Variants in ZNF341 observed in about 807,000 individuals in gnomAD.
The protein encoded by ZNF341 is zinc finger protein 341.
In ZNF341, 52 loss-of-function variants were observed where a neutral mutation model predicts 87.7. The observed-to-expected ratio is 0.59, with a 90% CI of 0.47 to 0.75. The LOEUF (loss-of-function observed/expected upper bound fraction) is 0.75. Ranked by LOEUF, ZNF341 falls within the 30% of genes least tolerant of loss-of-function variation. The pLI is 0.00. For synonymous variants in ZNF341, 459 were observed against 472.7 expected (o/e 0.97, Z 0.38); for missense variants, 977 against 1,145.9 (o/e 0.85, Z 2.13).
chr20:33,781,596 A>T (rs1474708108), intron 11 of ZNF341, among the ~76,000 whole-genome samples: 1 of 152,088 alleles, frequency 6.6e-6, no homozygotes, highest in Non-Finnish European at 1.5e-5. Context: ...CTGCTGCTGG[A>T]GCCAGGCTGG....
At chr20:33,753,538 C>T in intron 5 of ZNF341, 115 bp downstream of exon 5, 1 of 1,373,932 alleles carries the variant, frequency 7.3e-7, no homozygotes, top group Non-Finnish European at 9.6e-7. Context: ...ACCATGAAAA[C>T]CAGACCCGGT....
At chr20:33,790,962 C>T (rs1298838704) in intron 14 of ZNF341, 26 bp from the exon 15 acceptor site, 2 of 1,593,806 alleles carry the variant, frequency 1.3e-6, no homozygotes, top group Non-Finnish European at 1.7e-6. Context: ...CTGGATGCTT[C>T]TCACTGACTT....
chr20:33,737,047 G>T (rs967002290), intron 1 of ZNF341, among the ~76,000 whole-genome samples: 5 of 152,182 alleles, frequency 3.3e-5, no homozygotes, highest in African/African-American at 1.2e-4. Flanking sequence ...GTGCCCTGGA[G>T]CCAAGAACAG....
chr20:33,747,770 A>C (rs995770219), intron 3 of ZNF341, among the ~76,000 whole-genome samples: 1 of 137,210 alleles, frequency 7.3e-6, no homozygotes, highest in Admixed American at 7.9e-5. Context: ...GCCTTGGCTC[A>C]CTGCAACCTC....
chr20:33,751,207 C>A (rs1215425315), intron 4 of ZNF341, among the ~76,000 whole-genome samples: 1 of 152,082 alleles, frequency 6.6e-6, no homozygotes, highest in East Asian at 1.9e-4. Flanking sequence ...GAGTCACTAT[C>A]CATAAACAGA....
intron 1 of ZNF341, among the ~76,000 whole-genome samples, chr20:33,736,144 A>G (rs1399362809): frequency 9.8e-6 from 1 of 101,970 alleles, no homozygotes; most frequent in Non-Finnish European, 2.1e-5. Flanking sequence ...AAAAAAAAGT[A>G]AAAACTGGAA....
intron 6 of ZNF341, among the ~76,000 whole-genome samples, chr20:33,757,665 A>G (rs1389894955): frequency 6.6e-6 from 1 of 152,174 alleles, no homozygotes; most frequent in Non-Finnish European, 1.5e-5. Flanking sequence ...AGCTCCAGTC[A>G]TCACTTTAAT....
At chr20:33,776,446 A>G (rs2747560) in intron 10 of ZNF341, among the ~76,000 whole-genome samples, 67,205 of 150,964 alleles carry the variant, frequency 0.45, 16,564 homozygotes, top group African/African-American at 0.67. Context: ...AGAGCACAGT[A>G]GCATGATCAC....
intron 12 of ZNF341, chr20:33,787,180 G>A (rs1854339483): frequency 6.6e-6 from 1 of 151,912 alleles, no homozygotes; most frequent in African/African-American, 2.4e-5. Context: ...TTTATTTACA[G>A]AGACACATGG....
intron 10 of ZNF341, among the ~76,000 whole-genome samples, chr20:33,777,934 C>T (rs1180700097): frequency 1.3e-5 from 2 of 152,034 alleles, no homozygotes; most frequent in Non-Finnish European, 2.9e-5. Flanking sequence ...TTGGGTTTGC[C>T]TGATTTTACC....
At position 33,745,019 on chromosome 20, in the gene ZNF341, GC is replaced by G. The variant is rs908862973; in HGVS notation, c.143-80del. Reference sequence around the variant, plus strand: ...CAGTTCTCCTGTCTCATACTGTGATGCCCCTTGACATAGTCTTGCTTTTTTT... The same window carrying G: ...CAGTTCTCCTGTCTCATACTGTGATGCCCTTGACATAGTCTTGCTTTTTTT... On this transcript the variant is annotated intron_variant, in intron 2 of 14. Coordinates refer to ENST00000375200, the MANE Select transcript of ZNF341 (RefSeq NM_001282933.2). 9 of 1,267,564 alleles carry G rather than the reference GC, an allele frequency of 7.1e-6. No homozygotes were observed. The African/African-American group carries it at 1.2e-4, about 17-fold the overall frequency. 78.5% of individuals were successfully genotyped at this position (1,267,564 alleles called of 1,614,324 possible). A position where few individuals can be genotyped will look rare whatever the true frequency, so the allele number is the denominator to read the frequency against.
intron 10 of ZNF341, among the ~76,000 whole-genome samples, chr20:33,780,282 AGT>A (rs910549068): frequency 1.3e-5 from 2 of 152,070 alleles, no homozygotes; most frequent in Admixed American, 6.6e-5. Context: ...GCCAGAGCAG[AGT>A]GAGTGAGGTG....
intron 10 of ZNF341, among the ~76,000 whole-genome samples, chr20:33,778,211 C>G (rs1418720682): frequency 6.6e-6 from 1 of 152,212 alleles, no homozygotes; most frequent in Non-Finnish European, 1.5e-5. Flanking sequence ...ATCTCACCAG[C>G]TAGTTAAGTC....
At chr20:33,777,151 C>CAAAAA (rs58139073) in intron 10 of ZNF341, among the ~76,000 whole-genome samples, 1 of 42,958 alleles carries the variant, frequency 2.3e-5, no homozygotes, top group Non-Finnish European at 4.5e-5. Context: ...CCGTCTTTAC[C>CAAAAA]AAAAAAAAAA....
At chr20:33,759,049 G>A (rs1461026439) in intron 7 of ZNF341, among the ~76,000 whole-genome samples, 3 of 152,208 alleles carry the variant, frequency 2.0e-5, no homozygotes, top group Non-Finnish European at 4.4e-5. Context: ...GCCGTGTAGG[G>A]GAAGAAAAGC....
At chr20:33,779,382 A>G (rs2019693911) in intron 10 of ZNF341, among the ~76,000 whole-genome samples, 1 of 151,582 alleles carries the variant, frequency 6.6e-6, no homozygotes, top group African/African-American at 2.4e-5. Flanking sequence ...ACTGGGGATT[A>G]TAGTTCAACA....
intron 10 of ZNF341, among the ~76,000 whole-genome samples, chr20:33,779,448 CTTTTT>C: frequency 7.7e-6 from 1 of 129,078 alleles, no homozygotes; most frequent in Admixed American, 8.4e-5. Context: ...GACAATCTCC[CTTTTT>C]TTTTTTTTTT....
In ZNF341 at chr20:33,770,026, G is replaced by A. The variant is rs191062166; in HGVS notation, c.1414-58G>A. 588 of 1,226,558 alleles carry A rather than the reference G, an allele frequency of 4.8e-4. 3 individuals carry two copies. In the African/African-American group the frequency reaches 7.8e-3, roughly 16 times the overall value. 76.0% of individuals were successfully genotyped at this position (1,226,558 alleles called of 1,614,324 possible). On this transcript the variant is annotated intron_variant, in intron 9 of 14. Transcript: ENST00000375200. ...TCCAAGGCCAATGCCACAGGCCAGG[G>A]GCTGCAGTGGAGGAAGCTCTCCTGC...
Position 33,791,398 on chromosome 20 carries a change from G to A in ZNF341, c.2446G>A (p.Val816Met). 1 of 1,612,500 alleles carries A rather than the reference G, an allele frequency of 6.2e-7. No individual in the cohort carries two copies. Among genetic ancestry groups the A allele is most frequent in the Non-Finnish European group, 8.5e-7 (1 of 1,179,740 alleles). ...GGAVGAETELVVPGHAEGLGS... is the reference protein window; with the variant it reads ...GGAVGAETELMVPGHAEGLGS... ...TGCGGTGGGCGCGGAAACTGAGCTG[G>A]TGGTACCTGGACACGCTGAGGGGCT... The change falls in exon 15 of 15, where the codon GTG becomes ATG. Residue 816 changes from valine to methionine, a missense_variant. Transcript: ENST00000375200.
Sources: gnomAD v4.1 joint callset for allele counts (sites outside exome capture counted in the v4.1 genomes callset) on GRCh38, gnomAD v4.1.1 for gene constraint, MANE v1.5 for transcripts, NCBI Gene and HGNC (gene_info 2026-07-23, HGNC 2026-07-21) for gene names.